MICU1: variants seen among roughly 807,000 people sequenced by gnomAD.
The protein encoded by MICU1 is calcium uptake protein 1, mitochondrial.
A neutral mutation model predicts 56.8 loss-of-function variants in MICU1; 45 were observed. The observed-to-expected ratio is 0.79, with a 90% confidence interval of 0.62 to 1.02. The LOEUF (loss-of-function observed/expected upper bound fraction) is 1.02. Ranked by LOEUF, MICU1 falls within the 50% of genes least tolerant of loss-of-function variation. MICU1 has a pLI of 0.00. For synonymous variants in MICU1, 186 were observed against 195.1 expected (o/e 0.95, Z 0.39); for missense variants, 504 against 587.1 (o/e 0.86, Z 1.46).
At chr10:72,527,455 T>A (rs1867997847) in intron 5 of MICU1, among the ~76,000 whole-genome samples, 1 of 152,132 alleles carries the variant, frequency 6.6e-6, no homozygotes, top group African/African-American at 2.4e-5. Flanking sequence ...CTCTCCCTGC[T>A]GGGCTCAAGC....
At chr10:72,513,213 C>T (rs185184335) in intron 5 of MICU1, among the ~76,000 whole-genome samples, 7 of 152,320 alleles carry the variant, frequency 4.6e-5, no homozygotes, top group African/African-American at 1.4e-4. Flanking sequence ...CTCACCAATA[C>T]TTCTTCCTCT....
At chr10:72,518,021 GTTTTC>G (rs1187624291) in intron 5 of MICU1, among the ~76,000 whole-genome samples, 3 of 148,602 alleles carry the variant, frequency 2.0e-5, no homozygotes, top group African/African-American at 4.9e-5. Flanking sequence ...TTATTGTGTT[GTTTTC>G]TTTTCTTCTT....
Position 72,551,300 on chromosome 10 carries a change from T to C in MICU1, c.372A>G (p.Pro124=), listed in dbSNP as rs571014730. 1 of 1,613,230 alleles carries C rather than the reference T, an allele frequency of 6.2e-7. No individual in the cohort carries two copies. Among genetic ancestry groups the C allele is most frequent in the South Asian group, 1.1e-5 (1 of 90,938 alleles). The change falls in exon 4 of 12, where the codon CCA becomes CCG. Residue 124 remains proline, a synonymous_variant. Coordinates refer to ENST00000361114, the MANE Select transcript of MICU1 (RefSeq NM_001195518.2). ...TGGCAAAATATCGGAAGATTTTGTC[T>C]GGCGTGGAGTAGGCTCGAATCCTAT... ...YENRIRAYST[P]DKIFRYFATL...
chr10:72,512,099 TG>T (rs1413356407), intron 5 of MICU1, among the ~76,000 whole-genome samples: 250 of 85,670 alleles, frequency 2.9e-3, no homozygotes, highest in African/African-American at 7.7e-3. Context: ...CATACACAGT[TG>T]TTTTTTGTTT....
At position 72,533,759 on chromosome 10, in the gene MICU1, C is replaced by A. The variant is rs752729268; in HGVS notation, c.524G>T (p.Arg175Leu). 2.5e-6 allele frequency: 4 copies of A among 1,601,306 alleles called. No individual in the cohort carries two copies. The highest frequency in any genetic ancestry group is 1.7e-5 in the Admixed American group (1 of 58,902). The change falls in exon 5 of 12, where the codon CGC becomes CTC. Residue 175 changes from arginine (R) to leucine (L), a missense_variant. Physicochemically the swap from Arg to Leu is moderately radical, Grantham distance 102. Transcript: ENST00000361114. ...TAGTTTGCTCACCTTTCCATCAAAG[C>A]GTTTTATTATATATTGATCCAGACC... ...HLGLDQYIIK[R>L]FDGKKISQER...
At chr10:72,376,486 A>T (rs1391656135) in intron 10 of MICU1, among the ~76,000 whole-genome samples, 2 of 152,132 alleles carry the variant, frequency 1.3e-5, no homozygotes, top group Admixed American at 6.6e-5. Context: ...TCTACAAAAA[A>T]TACAAAAAAT....
chr10:72,379,583 C>G (rs754368677), intron 10 of MICU1: 2 of 430,338 alleles, frequency 4.6e-6, no homozygotes, highest in Middle Eastern at 3.4e-4. Flanking sequence ...GGTGCCCTTT[C>G]CTGTAAATAA....
chr10:72,447,874 G>A (rs1287110058), intron 8 of MICU1, among the ~76,000 whole-genome samples: 4 of 152,022 alleles, frequency 2.6e-5, no homozygotes, highest in African/African-American at 9.7e-5. Flanking sequence ...AAATTATGAA[G>A]TTGCATATTC....
intron 1 of MICU1, among the ~76,000 whole-genome samples, chr10:72,603,795 ACT>A (rs989378925): frequency 3.3e-5 from 5 of 152,030 alleles, no homozygotes; most frequent in African/African-American, 1.2e-4. Context: ...CAAGAATGAA[ACT>A]CTGTCTCAAA....
chr10:72,439,793 C>T (rs2132178351), intron 8 of MICU1, among the ~76,000 whole-genome samples: 1 of 152,278 alleles, frequency 6.6e-6, no homozygotes, highest in Non-Finnish European at 1.5e-5. Flanking sequence ...AACTCCCATT[C>T]ACAATTGCTA....
At chr10:72,371,221 T>TA (rs1394166522) in intron 11 of MICU1, among the ~76,000 whole-genome samples, 3 of 146,692 alleles carry the variant, frequency 2.0e-5, no homozygotes, top group Non-Finnish European at 4.5e-5. Context: ...TCGTCTCTAC[T>TA]AAAAATACAA....
intron 6 of MICU1, among the ~76,000 whole-genome samples, chr10:72,488,871 G>T (rs565116047): frequency 1.3e-5 from 2 of 152,260 alleles, no homozygotes; most frequent in East Asian, 3.9e-4. Flanking sequence ...GACTATACCA[G>T]ACAAAATATC....
chr10:72,534,058 C>T (rs1309935071), intron 4 of MICU1, among the ~76,000 whole-genome samples: 1 of 152,022 alleles, frequency 6.6e-6, no homozygotes, highest in African/African-American at 2.4e-5. Context: ...CCAGTTAGAA[C>T]TCTGGACTCC....
At chr10:72,477,514 G>C in intron 6 of MICU1, 3 of 1,535,594 alleles carry the variant, frequency 2.0e-6, no homozygotes, top group Non-Finnish European at 2.6e-6. Flanking sequence ...AACATGCTTT[G>C]CCTTAAATGA....
chr10:72,586,245 C>CCCACCTT (rs1241318192), intron 1 of MICU1, among the ~76,000 whole-genome samples: 12 of 151,814 alleles, frequency 7.9e-5, no homozygotes, highest in Non-Finnish European at 1.8e-4. Context: ...CTCCTGAGCT[C>CCCACCTT]AAGCCACACT....
chr10:72,379,133 C>T (rs1347877035), intron 10 of MICU1, among the ~76,000 whole-genome samples: 1 of 152,180 alleles, frequency 6.6e-6, no homozygotes, highest in African/African-American at 2.4e-5. Context: ...GCTAACTAAA[C>T]TGTCCACAGA....
At chr10:72,607,861 T>G (rs935666758) in intron 1 of MICU1, among the ~76,000 whole-genome samples, 4 of 151,592 alleles carry the variant, frequency 2.6e-5, no homozygotes, top group African/African-American at 9.7e-5. Context: ...GTGGGGGGGG[T>G]CTACACTAAC....
chr10:72,502,535 G>A (rs183021129), intron 6 of MICU1, among the ~76,000 whole-genome samples: 17 of 152,284 alleles, frequency 1.1e-4, no homozygotes, highest in African/African-American at 2.4e-4. Context: ...CCTTTGCACT[G>A]TTCTAGCTGG....
chr10:72,371,279 C>T (rs1157370662), intron 11 of MICU1, among the ~76,000 whole-genome samples: 26 of 146,908 alleles, frequency 1.8e-4, no homozygotes, highest in Admixed American at 1.5e-3. Flanking sequence ...CCCAGCTACT[C>T]GGGAGGCTGA....
Sources: allele counts gnomAD v4.1 joint callset (sites outside exome capture counted in the v4.1 genomes callset), GRCh38; gene constraint gnomAD v4.1.1; transcripts MANE v1.5; gene names NCBI Gene and HGNC (gene_info 2026-07-23, HGNC 2026-07-21).